The following SNX29 variants were observed in gnomAD, a reference collection of about 807,000 sequenced individuals.
SNX29 encodes sorting nexin-29.
SNX29 carries 78 observed loss-of-function variants against 102.1 expected under a neutral mutation model. The ratio of observed to expected loss-of-function variants is 0.76; its 90% CI spans 0.64 to 0.92. SNX29 has a LOEUF of 0.92. SNX29 is among the 40% of genes least tolerant of loss of function. SNX29 has a pLI of 0.00. For missense variants in SNX29, 1,280 were observed against 1,061.7 expected (o/e 1.21, Z -2.86); for synonymous variants, 580 against 414.5 (o/e 1.40, Z -4.85).
At chr16:12,125,385 G>A (rs1382632961) in intron 11 of SNX29, among the ~76,000 whole-genome samples, 1 of 152,024 alleles carries the variant, frequency 6.6e-6, no homozygotes, top group East Asian at 1.9e-4. Context: ...TACTGCTTTG[G>A]CTGCACTTGT....
At chr16:12,224,022 C>T (rs1268727717) in intron 14 of SNX29, among the ~76,000 whole-genome samples, 1 of 152,214 alleles carries the variant, frequency 6.6e-6, no homozygotes, top group Non-Finnish European at 1.5e-5. Flanking sequence ...CTCCTCACTC[C>T]AGAGCCACGG....
chr16:12,178,173 C>CA (rs2076302253), intron 13 of SNX29, among the ~76,000 whole-genome samples: 1 of 152,126 alleles, frequency 6.6e-6, no homozygotes, highest in South Asian at 2.1e-4. Flanking sequence ...CTCAAGGGGA[C>CA]AAGACGCACA....
At chr16:12,209,645 G>A (rs755589179) in intron 14 of SNX29, among the ~76,000 whole-genome samples, 7 of 152,154 alleles carry the variant, frequency 4.6e-5, no homozygotes, top group Non-Finnish European at 7.3e-5. Flanking sequence ...CACCAGCTGC[G>A]TGTTTGACTG....
intron 19 of SNX29, among the ~76,000 whole-genome samples, chr16:12,505,738 T>A (rs2089343807): frequency 7.8e-6 from 1 of 128,562 alleles, no homozygotes; most frequent in Non-Finnish European, 1.6e-5. Flanking sequence ...TTTATATGAA[T>A]TTTTGGATCA....
intron 11 of SNX29, among the ~76,000 whole-genome samples, chr16:12,089,413 C>T (rs1254123029): frequency 2.6e-5 from 4 of 152,058 alleles, no homozygotes; most frequent in African/African-American, 4.8e-5. Flanking sequence ...ATAATATGAT[C>T]GCCACACTGC....
At chr16:12,497,132 T>A (rs894041635) in intron 19 of SNX29, among the ~76,000 whole-genome samples, 2 of 152,232 alleles carry the variant, frequency 1.3e-5, no homozygotes, top group African/African-American at 4.8e-5. Context: ...TTCAGAGGAC[T>A]GAACAACAAG....
At chr16:12,432,551 T>A (rs918987083) in intron 18 of SNX29, among the ~76,000 whole-genome samples, 2 of 152,112 alleles carry the variant, frequency 1.3e-5, no homozygotes, top group Non-Finnish European at 2.9e-5. Flanking sequence ...AGAAGGGGGA[T>A]GGCAGGAAGC....
chr16:12,567,923 G>A (rs552513494), intron 20 of SNX29, among the ~76,000 whole-genome samples: 80 of 152,226 alleles, frequency 5.3e-4, no homozygotes, highest in African/African-American at 1.7e-3. Context: ...CACACACGCT[G>A]TGTGTTCGCG....
chr16:12,425,529 TAAA>T (rs57793049), intron 18 of SNX29, among the ~76,000 whole-genome samples: 1 of 78,398 alleles, frequency 1.3e-5, no homozygotes. Flanking sequence ...TGACCAGAGT[TAAA>T]AAAAAAAAAA....
At chr16:12,067,408 A>C (rs2051086421) in intron 9 of SNX29, among the ~76,000 whole-genome samples, 1 of 152,146 alleles carries the variant, frequency 6.6e-6, no homozygotes. Context: ...GAAGGCACCG[A>C]GGCGTGCTCT....
Position 12,052,239 on chromosome 16 carries a change from G to A in SNX29, c.1124+17G>A, listed in dbSNP as rs756940256. 3.7e-6 allele frequency: 6 copies of A among 1,613,446 alleles called. No individual in the cohort carries two copies. The South Asian group carries it at 6.6e-5, about 18-fold the overall frequency. On this transcript the variant is annotated intron_variant, in intron 8 of 20. Transcript: ENST00000566228. ...GCCCGAGAAGTAAGTTTGTGTGTAAGGTGGAGTCTCACCGTCCCCCAGGCT... is the reference window on the plus strand; with the variant it reads ...GCCCGAGAAGTAAGTTTGTGTGTAAAGTGGAGTCTCACCGTCCCCCAGGCT...
intron 15 of SNX29, among the ~76,000 whole-genome samples, chr16:12,315,998 G>A (rs989000795): frequency 6.6e-6 from 1 of 152,202 alleles, no homozygotes; most frequent in African/African-American, 2.4e-5. Flanking sequence ...ACACAACTGC[G>A]TAGCCAGGCT....
rs182643391 is a variant in SNX29, at chr16:12,051,712, A to G, written c.749-135A>G. The stretch of plus-strand genomic sequence containing the variant: ...ACACAGATTTTCACTGAGGATTTTA[A>G]AAAGTCTGAATTCATGTTACAGTGT... On this transcript the variant is annotated intron_variant, in intron 7 of 20. Coordinates refer to ENST00000566228, the MANE Select transcript of SNX29 (RefSeq NM_032167.5). 3.1e-6 allele frequency: 4 copies of G among 1,301,202 alleles called. No individual in the cohort carries two copies. The African/African-American group carries it at 4.5e-5, about 15-fold the overall frequency. 80.6% of individuals were successfully genotyped at this position (1,301,202 alleles called of 1,614,324 possible).
intron 4 of SNX29, among the ~76,000 whole-genome samples, chr16:12,042,059 T>G (rs192691373): frequency 2.6e-5 from 4 of 152,236 alleles, no homozygotes; most frequent in Admixed American, 1.3e-4. Flanking sequence ...TGAGGCTGAG[T>G]CTTGTTCTGC....
In SNX29 at chr16:12,570,341, C is replaced by G. The variant is rs567181398; in HGVS notation, c.*1712C>G. On this transcript the variant is annotated 3_prime_UTR_variant, in exon 21 of 21. Transcript: ENST00000566228. ...TAAAGGCAACTTGGTCTCCCTCCCACTCACCTGCCAACATTGCTGCAATAC... is the reference window on the plus strand; with the variant it reads ...TAAAGGCAACTTGGTCTCCCTCCCAGTCACCTGCCAACATTGCTGCAATAC... The G allele has an allele frequency of 2.0e-5, 14 of 694,946 alleles. No homozygotes were observed. Among genetic ancestry groups the G allele is most frequent in the Non-Finnish European group, 2.6e-5 (14 of 540,544 alleles). The allele number at this position is 694,946 out of a possible 1,614,324, so 43.0% of individuals were successfully genotyped here.
chr16:12,125,603 CTCTTTTTTTTTTTTTTTTTTT>C (rs1326053331), intron 11 of SNX29, among the ~76,000 whole-genome samples: 40 of 71,478 alleles, frequency 5.6e-4, no homozygotes, highest in South Asian at 1.2e-3. Context: ...GCTGAGATCT[CTCTTTTTTTTTTTTTTTTTTT>C]TTTTTTTTTT....
At chr16:12,171,818 G>A (rs371890491) in intron 13 of SNX29, among the ~76,000 whole-genome samples, 1 of 152,202 alleles carries the variant, frequency 6.6e-6, no homozygotes, top group Non-Finnish European at 1.5e-5. Context: ...TGGTGTGGTG[G>A]TATGGCCCAA....
At chr16:12,455,454 C>T (rs1272121887) in intron 18 of SNX29, among the ~76,000 whole-genome samples, 2 of 152,208 alleles carry the variant, frequency 1.3e-5, no homozygotes, top group African/African-American at 4.8e-5. Flanking sequence ...GCGGTGGCCA[C>T]CTGCTGCCAC....
chr16:12,166,742 G>A (rs1415642789), intron 13 of SNX29, among the ~76,000 whole-genome samples: 1 of 152,194 alleles, frequency 6.6e-6, no homozygotes, highest in Non-Finnish European at 1.5e-5. Context: ...AGCAGCTTCA[G>A]GCATCAGAGT....
Sources: allele counts gnomAD v4.1 joint callset (sites outside exome capture counted in the v4.1 genomes callset), GRCh38; gene constraint gnomAD v4.1.1; transcripts MANE v1.5; gene names NCBI Gene and HGNC (gene_info 2026-07-23, HGNC 2026-07-21).